NEB: variants seen among roughly 807,000 people sequenced by gnomAD.
The protein encoded by NEB is nebulin, also known as nemaline myopathy type 2.
A neutral mutation model predicts 952.2 loss-of-function variants in NEB; 512 were observed. That is an observed-to-expected ratio of 0.54 (90% CI 0.50 to 0.58). The LOEUF is 0.58. Among genes scored for constraint, NEB ranks in the 20% least tolerant of loss-of-function variants. The probability of loss-of-function intolerance (pLI) is 0.00; values close to 1 mark genes in which losing one functional copy is unlikely to be tolerated. For synonymous variants in NEB, 2,900 were observed against 3,149.8 expected (o/e 0.92, Z 2.66); for missense variants, 8,428 against 9,231.1 (o/e 0.91, Z 3.56).
intron 65 of NEB, among the ~76,000 whole-genome samples, chr2:151,632,785 G>A (rs2098695569): frequency 6.6e-6 from 1 of 152,096 alleles, no homozygotes; most frequent in Non-Finnish European, 1.5e-5. Context: ...GCAGGGTGAG[G>A]AAGGTAATCC....
Position 151,499,373 on chromosome 2 carries a change from G to A in NEB, c.24039C>T (p.Asn8013=), listed in dbSNP as rs554603516. ...ENFSSVLYKE[N]VGKGIPIPIT... ...TGGGGATTGGAATCCCTTTTCCAACGTTTTCTTTATACAACACCTGTATGA... is the reference window on the plus strand; with the variant it reads ...TGGGGATTGGAATCCCTTTTCCAACATTTTCTTTATACAACACCTGTATGA... Residue 8013 remains asparagine (N), a synonymous_variant, in exon 169 of 182, where the codon AAC becomes AAT. Transcript: ENST00000397345. The A allele has an allele frequency of 1.4e-5, 22 of 1,541,100 alleles. No homozygotes were observed. Among genetic ancestry groups the A allele is most frequent in the African/African-American group, 9.6e-5 (7 of 72,806 alleles).
At position 151,630,724 on chromosome 2, in the gene NEB, G is replaced by T; in HGVS notation, c.9714C>A (p.Asn3238Lys). ...AGATTTTTGCTCCTACCTCACTGTA[G>T]TTGATTTTGTTCTGCCTTGCCAACA... Reference protein sequence around the residue: ...EIMLARQNKINYSETLYKLAN... With the variant: ...EIMLARQNKIKYSETLYKLAN... Residue 3238 changes from asparagine to lysine, a missense_variant, in exon 67 of 182, where the codon AAC becomes AAA. Asn to Lys is a moderately conservative substitution (Grantham distance 94, BLOSUM62 0). Transcript: ENST00000397345. 1 of 1,605,882 alleles carries T rather than the reference G, an allele frequency of 6.2e-7. No homozygotes were observed. Among genetic ancestry groups the T allele is most frequent in the Non-Finnish European group, 8.5e-7 (1 of 1,175,300 alleles).
rs377649771 is a variant in NEB at position 151,684,932 on chromosome 2, G to A, written c.2681C>T (p.Thr894Met). The A allele has an allele frequency of 1.9e-5, 31 of 1,612,412 alleles. No homozygotes were observed. The highest frequency in any genetic ancestry group is 2.5e-5 in the Non-Finnish European group (30 of 1,179,304). Reference protein sequence around the residue: ...KDYEKSKTIYTAPLDMLQVTQ... With the variant: ...KDYEKSKTIYMAPLDMLQVTQ... ...GACTTGGAGCATATCAAGAGGTGCC[G>A]TGTAGATAGTTTTTGACTTTTCATA... is the stretch of plus-strand genomic sequence containing the variant. The change falls in exon 28 of 182, where the codon ACG (threonine) becomes ATG (methionine). Residue 894 changes from threonine to methionine, a missense_variant. Physicochemically the swap from Thr to Met is moderately conservative, Grantham distance 81 (BLOSUM62 -1). Coordinates refer to ENST00000397345, the MANE Select transcript of NEB (RefSeq NM_001164508.2).
chr2:151,555,839 G>A (rs2095615039), intron 124 of NEB, among the ~76,000 whole-genome samples: 1 of 148,190 alleles, frequency 6.7e-6, no homozygotes, highest in Middle Eastern at 3.4e-3. Context: ...CTATTTCTCA[G>A]CTTCAAAGAT....
chr2:151,684,513 T>C (rs959388588), intron 28 of NEB, among the ~76,000 whole-genome samples: 1 of 152,194 alleles, frequency 6.6e-6, no homozygotes, highest in Non-Finnish European at 1.5e-5. Context: ...AACAATGTTT[T>C]TGATTTATTT....
At chr2:151,634,773 T>A (rs2154083860) in intron 64 of NEB, among the ~76,000 whole-genome samples, 1 of 152,314 alleles carries the variant, frequency 6.6e-6, no homozygotes, top group East Asian at 1.9e-4. Context: ...TCAATGGCAG[T>A]GGCAAGCTTT....
intron 10 of NEB, among the ~76,000 whole-genome samples, chr2:151,715,485 T>C: frequency 6.6e-6 from 1 of 152,172 alleles, no homozygotes; most frequent in East Asian, 1.9e-4. Flanking sequence ...TAAGGGGATT[T>C]GGGAAGCAAT....
chr2:151,679,428 TG>T (rs762479221), intron 32 of NEB, among the ~76,000 whole-genome samples: 11 of 152,102 alleles, frequency 7.2e-5, no homozygotes, highest in Non-Finnish European at 1.2e-4. Flanking sequence ...ATGACTTAAA[TG>T]GTAAGTCACT....
Position 151,496,308 on chromosome 2 carries a change from G to C in NEB, c.24454C>G (p.Arg8152Gly), listed in dbSNP as rs763364977. The C allele has an allele frequency of 6.2e-7, 1 of 1,611,362 alleles. No homozygotes were observed. Among genetic ancestry groups the C allele is most frequent in the African/African-American group, 1.3e-5 (1 of 74,880 alleles). Reference protein sequence around the residue: ...TPLAVTPEMERVKHNQENISS... With the variant: ...TPLAVTPEMEGVKHNQENISS... ...ATATTTTCTTGATTGTGTTTGACTC[G>C]CTCCATCTCGGGAGTGACAGCTAAA... Residue 8152 changes from arginine (R) to glycine (G), a missense_variant, in exon 173 of 182, where the codon CGA becomes GGA. By Grantham distance (125) the Arg-to-Gly change is moderately radical. Coordinates refer to ENST00000397345, the MANE Select transcript of NEB (RefSeq NM_001164508.2).
At chr2:151,571,693 A>T (rs1007937426) in intron 107 of NEB, among the ~76,000 whole-genome samples, 6 of 152,250 alleles carry the variant, frequency 3.9e-5, no homozygotes, top group Admixed American at 3.3e-4. Context: ...CAAGTATTTT[A>T]AAAATGTATG....
At position 151,607,313 on chromosome 2, in the gene NEB, A is replaced by C. The variant is rs148033771; in HGVS notation, c.12639+191T>G. On this transcript the variant is annotated intron_variant, in intron 83 of 181. Coordinates refer to ENST00000397345, the MANE Select transcript of NEB (RefSeq NM_001164508.2). ...TATCCTGCAGTCTAGGCACCCACCG[A>C]TGTATCCAAGCACTCATTTAAAAGA... Among the ~76,000 whole-genome samples, 724 of 103,808 alleles carry C rather than the reference A, an allele frequency of 7.0e-3. 115 individuals carry two copies. The highest frequency in any genetic ancestry group is 0.017 in the African/African-American group (677 of 39,126). 68.1% of individuals were successfully genotyped at this position (103,808 alleles called of 152,430 possible). A position where few individuals can be genotyped will look rare whatever the true frequency, so the allele number is the denominator to read the frequency against.
intron 5 of NEB, among the ~76,000 whole-genome samples, chr2:151,727,176 C>T (rs1462273179): frequency 6.6e-6 from 1 of 152,028 alleles, no homozygotes; most frequent in Non-Finnish European, 1.5e-5. Flanking sequence ...GGTTAATAAC[C>T]ACTGTTTTAA....
At chr2:151,525,575 G>A (rs1461641522) in intron 150 of NEB, among the ~76,000 whole-genome samples, 1 of 152,184 alleles carries the variant, frequency 6.6e-6, no homozygotes, top group African/African-American at 2.4e-5. Flanking sequence ...GGTTACTACA[G>A]CATTATTGAT....
Position 151,565,734 on chromosome 2 carries a change from G to T in NEB, c.18243C>A (p.Asn6081Lys). The change falls in exon 115 of 182, where the codon AAC becomes AAA. Residue 6081 changes from asparagine (N) to lysine (K), a missense_variant. By Grantham distance (94) the Asn-to-Lys change is moderately conservative. Coordinates refer to ENST00000397345, the MANE Select transcript of NEB (RefSeq NM_001164508.2). The stretch of plus-strand genomic sequence containing the variant: ...TGCGTACCTGACTCATCATTTCCTG[G>T]TTCTTAGTAACCCTTACATGGTCCA... Reference protein sequence around the residue: ...DSVDHVRVTKNQEMMSQIKYK... With the variant: ...DSVDHVRVTKKQEMMSQIKYK... The T allele has an allele frequency of 6.2e-7, 1 of 1,612,310 alleles. No individual in the cohort carries two copies. Among genetic ancestry groups the T allele is most frequent in the Non-Finnish European group, 8.5e-7 (1 of 1,179,168 alleles).
rs767786981 is a variant in NEB at position 151,612,172 on chromosome 2, A to G, written c.11805+14T>C. On this transcript the variant is annotated intron_variant, in intron 78 of 181. Transcript: ENST00000397345. Reference sequence around the variant, plus strand: ...AGGTATGATTCTGGCAACAGAAAACAGCTGGAGACTCACCTTGCTCATTGT... The same window carrying G: ...AGGTATGATTCTGGCAACAGAAAACGGCTGGAGACTCACCTTGCTCATTGT... 3.1e-6 allele frequency: 5 copies of G among 1,609,584 alleles called. No homozygotes were observed. The highest frequency in any genetic ancestry group is 4.3e-6 in the Non-Finnish European group (5 of 1,176,442).
rs781263453 is a variant in NEB, at chr2:151,667,911, C to G, written c.4612G>C (p.Ala1538Pro). ...AKVNALNMSD[A>P]HYKADWKKTI... ...TTCTTCCAATCTGCTTTATAATGAG[C>G]CTTCAAAAAAGTAGAGGTTATTTTA... Residue 1538 changes from alanine to proline, a missense_variant and splice_region_variant, in exon 40 of 182, where the codon GCT becomes CCT. Ala to Pro is a conservative substitution (Grantham distance 27). Around this residue, in one of 11 missense-constraint regions of NEB, gnomAD observed 2,851 missense variants for 2,791.5 expected, o/e 1.02. Transcript: ENST00000397345. 57 of 1,602,994 alleles carry G rather than the reference C, an allele frequency of 3.6e-5. No individual in the cohort carries two copies. The highest frequency in any genetic ancestry group is 6.7e-5 in the Admixed American group (4 of 59,446).
Position 151,526,220 on chromosome 2 carries a change from G to C in NEB, c.21988C>G (p.His7330Asp), listed in dbSNP as rs894675798. ...ATCTGAGGCGTGTCAGGTACGGCAT[G>C]GCAGGTTCCTCTTTCCTTGACATGT... Reference protein sequence around the residue: ...EKHVKERGTCHAVPDTPQILL... With the variant: ...EKHVKERGTCDAVPDTPQILL... Residue 7330 changes from histidine to aspartate, a missense_variant, in exon 149 of 182, where the codon CAT (histidine) becomes GAT (aspartate). Physicochemically the swap from His to Asp is moderately conservative, Grantham distance 81 (BLOSUM62 -1). Coordinates refer to ENST00000397345, the MANE Select transcript of NEB (RefSeq NM_001164508.2). 2.5e-6 allele frequency: 4 copies of C among 1,613,552 alleles called. No homozygotes were observed. The African/African-American group carries it at 4.0e-5, about 16-fold the overall frequency.
At position 151,530,176 on chromosome 2, in the gene NEB, C is replaced by T. The variant is rs35943488; in HGVS notation, c.21630+818G>A. On this transcript the variant is annotated intron_variant, in intron 145 of 181. Coordinates refer to ENST00000397345, the MANE Select transcript of NEB (RefSeq NM_001164508.2). ...TGATGAATGAATGAACTGATGAATA[C>T]AGCAATCATTCTGCCTTTTAAAAAT... 6.4e-3 allele frequency among the ~76,000 whole-genome samples: 977 copies of T among 152,288 alleles called. 10 individuals carry two copies. Among genetic ancestry groups the T allele is most frequent in the Non-Finnish European group, 8.4e-3 (573 of 68,016 alleles).
At chr2:151,620,697 T>C (rs1042290074) in intron 72 of NEB, among the ~76,000 whole-genome samples, 5 of 152,058 alleles carry the variant, frequency 3.3e-5, no homozygotes, top group African/African-American at 1.2e-4. Context: ...TCACTCCTAT[T>C]GAGCAAAGAT....
Sources: gnomAD v4.1 joint callset for allele counts (sites outside exome capture counted in the v4.1 genomes callset) on GRCh38, gnomAD v4.1.1 for gene constraint, gnomAD v4.1.1 regional missense constraint, MANE v1.5 for transcripts, NCBI Gene and HGNC (gene_info 2026-07-23, HGNC 2026-07-21) for gene names.